STK11: variants seen among roughly 807,000 people sequenced by gnomAD.
The protein encoded by STK11 is serine/threonine kinase 11, also known as serine/threonine-protein kinase STK11.
A neutral mutation model predicts 47.3 loss-of-function variants in STK11; 8 were observed. The observed-to-expected ratio is 0.17, with a 90% confidence interval of 0.10 to 0.31. STK11 has a LOEUF of 0.31. Among genes scored for constraint, STK11 ranks in the 10% least tolerant of loss-of-function variants. The pLI, the probability that STK11 is intolerant of heterozygous loss-of-function variation, is 1.00. For missense variants in STK11, 475 were observed against 605.0 expected, an observed-to-expected ratio of 0.79 and a Z score of 2.25; for synonymous variants, 330 against 255.8, an observed-to-expected ratio of 1.29 and a Z score of -2.77.
Position 1,207,620 on chromosome 19 carries a change from G to A in STK11, c.290+417G>A, listed in dbSNP as rs1392900455. On this transcript the variant is annotated intron_variant, in intron 1 of 9. Coordinates refer to ENST00000326873, the MANE Select transcript of STK11 (RefSeq NM_000455.5). ...CGGCCGCCAACACGTTTTCTGCGCA[G>A]TGTGTGGCCGTTACCGGGGCCAGGC... Among the ~76,000 whole-genome samples, 3 of 152,320 alleles carry A rather than the reference G, an allele frequency of 2.0e-5. No individual in the cohort carries two copies. In the East Asian group the frequency reaches 5.8e-4, roughly 29 times the overall value.
intron 5 of STK11, among the ~76,000 whole-genome samples, chr19:1,220,952 C>A (rs1460383389): frequency 1.3e-5 from 2 of 152,230 alleles, no homozygotes; most frequent in Non-Finnish European, 2.9e-5. Flanking sequence ...GCACGGCCGA[C>A]CCTCCTCCCA....
Position 1,207,135 on chromosome 19 carries a change from G to A in STK11, c.222G>A (p.Arg74=), listed in dbSNP as rs769910563. ...KEVLDSETLC[R]RAVKILKKKK... is the part of the protein sequence containing the mutation. ...TGCTGGACTCGGAGACGCTGTGCAG[G>A]AGGGCCGTCAAGATCCTCAAGAAGA... Residue 74 remains arginine (R), a synonymous_variant, in exon 1 of 10, where the codon AGG becomes AGA. Coordinates refer to ENST00000326873, the MANE Select transcript of STK11 (RefSeq NM_000455.5). 1.2e-6 allele frequency: 2 copies of A among 1,613,638 alleles called. No individual in the cohort carries two copies. The highest frequency in any genetic ancestry group is 1.7e-5 in the Admixed American group (1 of 59,914).
At chr19:1,211,773 G>A (rs540933808) in intron 1 of STK11, among the ~76,000 whole-genome samples, 52 of 152,390 alleles carry the variant, frequency 3.4e-4, no homozygotes, top group African/African-American at 1.2e-3. Flanking sequence ...GCGGTGTCCA[G>A]CCAGGAGGTG....
At chr19:1,211,105 T>G (rs1276099954) in intron 1 of STK11, among the ~76,000 whole-genome samples, 1 of 151,718 alleles carries the variant, frequency 6.6e-6, no homozygotes, top group Non-Finnish European at 1.5e-5. Flanking sequence ...CGAAACTCCG[T>G]CTCTACTACA....
intron 3 of STK11, 117 bp downstream of exon 3, chr19:1,219,530 T>C: frequency 2.1e-6 from 2 of 933,286 alleles, no homozygotes; most frequent in Non-Finnish European, 3.1e-6. Flanking sequence ...AGGCCCAAGT[T>C]TTTTTGTTTT....
rs971516483 is a variant in STK11 at position 1,211,903 on chromosome 19, C to G, written c.290+4700C>G. Among the ~76,000 whole-genome samples, 9 of 152,308 alleles carry G rather than the reference C, an allele frequency of 5.9e-5. No individual in the cohort carries two copies. In the East Asian group the frequency reaches 1.5e-3, roughly 26 times the overall value. On this transcript the variant is annotated intron_variant, in intron 1 of 9. Transcript: ENST00000326873. Reference sequence around the variant, plus strand: ...CCTGGACTTTGTAGGTCTTTACATCCCAGGCGGCCTTTATGGGGTTCCAGC... The same window carrying G: ...CCTGGACTTTGTAGGTCTTTACATCGCAGGCGGCCTTTATGGGGTTCCAGC...
chr19:1,227,215 G>A (rs528342093), intron 9 of STK11: 120 of 161,536 alleles, frequency 7.4e-4, no homozygotes, highest in Non-Finnish European at 1.2e-3. Context: ...GTGGGAGACG[G>A]AGTCCCAGAG....
rs761703510 is a variant in STK11 at position 1,206,695 on chromosome 19, C to T, written c.-219C>T. 5.3e-5 allele frequency: 34 copies of T among 635,992 alleles called. No individual in the cohort carries two copies. The highest frequency in any genetic ancestry group is 1.2e-4 in the South Asian group (5 of 42,154). The allele number at this position is 635,992 out of a possible 1,614,324, so 39.4% of individuals were successfully genotyped here. On this transcript the variant is annotated 5_prime_UTR_variant, in exon 1 of 10. Transcript: ENST00000326873. ...CGGACCCCCGGTGCCCGCCGGTCCG[C>T]AGACCCTGCACCGGGCTTGGACTCG...
Position 1,227,713 on chromosome 19 carries a change from G to C in STK11, c.*137G>C, listed in dbSNP as rs563787165. ...GTGCCGACCACGCCCCAGGACCTCC[G>C]GAGCGCCCTGCAGGGCCGGGCAGGG... is the stretch of plus-strand genomic sequence containing the variant. On this transcript the variant is annotated 3_prime_UTR_variant, in exon 10 of 10. Transcript: ENST00000326873. 8 of 1,070,586 alleles carry C rather than the reference G, an allele frequency of 7.5e-6. No individual in the cohort carries two copies. In the African/African-American group the frequency reaches 1.3e-4, roughly 17 times the overall value. The allele number at this position is 1,070,586 out of a possible 1,614,324, so 66.3% of individuals were successfully genotyped here.
At chr19:1,225,877 G>A (rs1256129753) in intron 8 of STK11, 134 of 987,588 alleles carry the variant, frequency 1.4e-4, no homozygotes, top group Non-Finnish European at 1.6e-4. Flanking sequence ...TGGGCAGGGT[G>A]GGCAGCCCCA....
At chr19:1,209,715 C>A (rs8111699) in intron 1 of STK11, among the ~76,000 whole-genome samples, 1 of 151,882 alleles carries the variant, frequency 6.6e-6, no homozygotes, top group South Asian at 2.1e-4. Context: ...AGTGAGCCCC[C>A]TGCTTTCCTG....
intron 1 of STK11, among the ~76,000 whole-genome samples, chr19:1,214,264 G>T (rs550360323): frequency 6.6e-5 from 10 of 152,346 alleles, no homozygotes; most frequent in African/African-American, 2.2e-4. Flanking sequence ...CACCAGGCGG[G>T]GGTGGCTCCA....
chr19:1,226,604 C>T lies in STK11; in HGVS notation c.1259C>T (p.Ala420Val), dbSNP rs369033659. The T allele has an allele frequency of 5.8e-6, 9 of 1,562,910 alleles. No homozygotes were observed. Among genetic ancestry groups the T allele is most frequent in the Non-Finnish European group, 5.2e-6 (6 of 1,155,708 alleles). Residue 420 changes from alanine to valine, a missense_variant, in exon 9 of 10, where the codon GCC (alanine) becomes GTC (valine). By Grantham distance (64) the Ala-to-Val change is moderately conservative. This residue lies in a region of STK11 where 219 missense variants were observed against 189.2 expected (regional missense o/e 1.16). Transcript: ENST00000326873. ...APNPARKACSASSKIRRLSAC... is the reference protein window; with the variant it reads ...APNPARKACSVSSKIRRLSAC... ...AACCCTGCCCGCAAGGCCTGCTCCG[C>T]CAGCAGCAAGATCCGCCGGCTGTCG...
chr19:1,209,267 T>A (rs1793071182), intron 1 of STK11, among the ~76,000 whole-genome samples: 1 of 151,912 alleles, frequency 6.6e-6, no homozygotes, highest in South Asian at 2.1e-4. Context: ...CCAGTGACAG[T>A]CTCTCTCCCA....
chr19:1,220,680 G>A lies in STK11; in HGVS notation c.697G>A (p.Gly233Ser), dbSNP rs587781638. 2 of 1,610,824 alleles carry A rather than the reference G, an allele frequency of 1.2e-6. No individual in the cohort carries two copies. Among genetic ancestry groups the A allele is most frequent in the Non-Finnish European group, 1.7e-6 (2 of 1,179,140 alleles). ...TGCCAACGGCCTGGACACCTTCTCCGGCTTCAAGGTGGACATCTGGTCGGC... is the reference window on the plus strand; with the variant it reads ...TGCCAACGGCCTGGACACCTTCTCCAGCTTCAAGGTGGACATCTGGTCGGC... ...EIANGLDTFS[G>S]FKVDIWSAGV... The change falls in exon 5 of 10, where the codon GGC becomes AGC. Residue 233 changes from glycine to serine, a missense_variant. Gly to Ser is a moderately conservative substitution (Grantham distance 56). This residue lies in a region of STK11 where 130 missense variants were observed against 239.7 expected (regional missense o/e 0.54). Coordinates refer to ENST00000326873, the MANE Select transcript of STK11 (RefSeq NM_000455.5).
intron 7 of STK11, 137 bp downstream of exon 7, chr19:1,222,143 A>C (rs1349452304): frequency 9.4e-7 from 1 of 1,063,124 alleles, no homozygotes; most frequent in Non-Finnish European, 1.4e-6. Flanking sequence ...CAGCGCCCGC[A>C]GTTCTCGGGG....
intron 1 of STK11, among the ~76,000 whole-genome samples, chr19:1,211,466 G>C (rs1029467904): frequency 4.6e-5 from 7 of 152,006 alleles, no homozygotes; most frequent in African/African-American, 7.2e-5. Context: ...GTTCTGGGGG[G>C]GGGGGTGCAG....
rs377208033 is a variant in STK11, at chr19:1,221,319, C to A, written c.841C>A (p.Pro281Thr). 1.7e-5 allele frequency: 27 copies of A among 1,609,634 alleles called. No homozygotes were observed. Among genetic ancestry groups the A allele is most frequent in the Non-Finnish European group, 1.1e-5 (13 of 1,178,410 alleles). Reference sequence around the variant, plus strand: ...CGCCATCCCGGGCGACTGTGGCCCCCCGCTCTCTGACCTGCTGAAAGGTGG... The same window carrying A: ...CGCCATCCCGGGCGACTGTGGCCCCACGCTCTCTGACCTGCTGAAAGGTGG... ...SYAIPGDCGP[P>T]LSDLLKGMLE... Residue 281 changes from proline (P) to threonine (T), a missense_variant, in exon 6 of 10, where the codon CCG becomes ACG. By Grantham distance (38) the Pro-to-Thr change is conservative. Transcript: ENST00000326873.
chr19:1,222,213 A>C (rs1175801168), intron 7 of STK11, among the ~76,000 whole-genome samples: 1 of 152,172 alleles, frequency 6.6e-6, no homozygotes, highest in Non-Finnish European at 1.5e-5. Flanking sequence ...CCTTGTCCGA[A>C]CTGGGGTCTG....
Sources: gnomAD v4.1 joint callset for allele counts (sites outside exome capture counted in the v4.1 genomes callset) on GRCh38, gnomAD v4.1.1 for gene constraint, gnomAD v4.1.1 regional missense constraint, MANE v1.5 for transcripts, NCBI Gene and HGNC (gene_info 2026-07-23, HGNC 2026-07-21) for gene names.